Variants in MAGI3 observed in about 807,000 individuals in gnomAD.
MAGI3 encodes the protein membrane associated guanylate kinase, WW and PDZ domain containing 3.
A neutral mutation model predicts 121.8 loss-of-function variants in MAGI3; 43 were observed. The ratio of observed to expected loss-of-function variants is 0.35; its 90% confidence interval spans 0.28 to 0.46. The LOEUF is 0.46. MAGI3 is among the 20% of genes least tolerant of loss of function. The pLI, the probability that MAGI3 is intolerant of heterozygous loss-of-function variation, is 1.00. For missense variants in MAGI3, 1,547 were observed against 1,797.3 expected (o/e 0.86, Z 2.52); for synonymous variants, 553 against 639.3 (o/e 0.86, Z 2.04).
In MAGI3 at chr1:113,391,461, C is replaced by T. The variant is rs1291576675; in HGVS notation, c.316+112C>T. The T allele has an allele frequency of 1.6e-6, 2 of 1,213,906 alleles. No individual in the cohort carries two copies. The highest frequency in any genetic ancestry group is 2.3e-6 in the Non-Finnish European group (2 of 871,808). The allele number at this position is 1,213,906 out of a possible 1,614,324, so 75.2% of individuals were successfully genotyped here. A position where few individuals can be genotyped will look rare whatever the true frequency, so the allele number is the denominator to read the frequency against. ...GCGTATTGTCCCGGGTAATCTTAGACCTCTAGGGTGTGCCAGACTCCTTGA... is the reference window on the plus strand; with the variant it reads ...GCGTATTGTCCCGGGTAATCTTAGATCTCTAGGGTGTGCCAGACTCCTTGA... On this transcript the variant is annotated intron_variant, in intron 1 of 20. Transcript: ENST00000307546. This position sits in a 1 kb window ranked among gnomAD's most constrained non-coding sequence, Gnocchi z 4.4.
At chr1:113,680,002 G>T (rs1648119547) in intron 19 of MAGI3, among the ~76,000 whole-genome samples, 1 of 152,120 alleles carries the variant, frequency 6.6e-6, no homozygotes, top group Non-Finnish European at 1.5e-5. Context: ...ACCATCCCTG[G>T]CCCTGAGAAA....
At position 113,673,317 on chromosome 1, in the gene MAGI3, T is replaced by C; in HGVS notation, c.3046-5T>C. 6.2e-7 allele frequency: 1 copy of C among 1,609,042 alleles called. No individual in the cohort carries two copies. Among genetic ancestry groups the C allele is most frequent in the Non-Finnish European group, 8.5e-7 (1 of 1,179,020 alleles). On this transcript the variant is annotated splice_polypyrimidine_tract_variant and splice_region_variant and intron_variant, in intron 18 of 20. Coordinates refer to ENST00000307546, the MANE Select transcript of MAGI3 (RefSeq NM_001142782.2). The stretch of plus-strand genomic sequence containing the variant: ...CTTGCTTTTCTTATACTTCTTTCTC[T>C]CTAGAACCTTGGTTGTTATCCAGTA...
In MAGI3 at chr1:113,622,922, C is replaced by T. The variant is rs771516575; in HGVS notation, c.1288C>T (p.Pro430Ser). The T allele has an allele frequency of 1.3e-6, 2 of 1,594,430 alleles. No individual in the cohort carries two copies. Among genetic ancestry groups the T allele is most frequent in the South Asian group, 2.3e-5 (2 of 86,406 alleles). The change falls in exon 9 of 21, where the codon CCT becomes TCT. Residue 430 changes from proline to serine, a missense_variant. Pro to Ser is a moderately conservative substitution (Grantham distance 74). Coordinates refer to ENST00000307546, the MANE Select transcript of MAGI3 (RefSeq NM_001142782.2). The part of the protein sequence containing the change: ...FGFTIIGGDR[P>S]DEFLQVKNVL... ...TTTTACTATTATTGGTGGAGATAGA[C>T]CTGATGAGTTCCTACAAGTGAAAAA...
At position 113,461,870 on chromosome 1, in the gene MAGI3, T is replaced by A. The variant is rs187430713; in HGVS notation, c.316+70521T>A. ...AGCATCTATAAAGAACTTAAGTAAA[T>A]TTAGGGGAGAAAACCCCATTTAAAA... is the stretch of plus-strand genomic sequence containing the variant. On this transcript the variant is annotated intron_variant, in intron 1 of 20. Coordinates refer to ENST00000307546, the MANE Select transcript of MAGI3 (RefSeq NM_001142782.2). Among the ~76,000 whole-genome samples the A allele has an allele frequency of 3.2e-4, 48 of 151,502 alleles. 1 individual carries two copies. In the East Asian group the frequency reaches 7.6e-3, roughly 24 times the overall value.
chr1:113,449,203 G>A (rs1370005208), intron 1 of MAGI3, among the ~76,000 whole-genome samples: 1 of 152,064 alleles, frequency 6.6e-6, no homozygotes, highest in African/African-American at 2.4e-5. Flanking sequence ...GGACATAGAT[G>A]CCTAGTCTAA....
chr1:113,486,809 G>C (rs556678516), intron 1 of MAGI3, among the ~76,000 whole-genome samples: 2 of 152,050 alleles, frequency 1.3e-5, no homozygotes, highest in African/African-American at 4.8e-5. Flanking sequence ...GTGCCACCAC[G>C]TGGCTTTATT....
At chr1:113,675,326 A>G (rs1647806301) in intron 19 of MAGI3, among the ~76,000 whole-genome samples, 1 of 152,256 alleles carries the variant, frequency 6.6e-6, no homozygotes, top group African/African-American at 2.4e-5. Flanking sequence ...ACCAGACTAG[A>G]TGAACAACAA....
At chr1:113,408,402 C>T (rs1289905473) in intron 1 of MAGI3, among the ~76,000 whole-genome samples, 3 of 151,978 alleles carry the variant, frequency 2.0e-5, no homozygotes, top group Admixed American at 1.3e-4. Context: ...CTTTATTTTC[C>T]AAGGAGTGAA....
intron 1 of MAGI3, among the ~76,000 whole-genome samples, chr1:113,504,624 T>C (rs1001305540): frequency 6.6e-6 from 1 of 152,140 alleles, no homozygotes; most frequent in Non-Finnish European, 1.5e-5. Context: ...GTAAGAGTTA[T>C]TTTATCTCTT....
chr1:113,564,605 C>T (rs1377888279), intron 2 of MAGI3, among the ~76,000 whole-genome samples: 1 of 151,994 alleles, frequency 6.6e-6, no homozygotes, highest in East Asian at 1.9e-4. Flanking sequence ...CATGTTGGCT[C>T]ACACCTGTAG....
intron 13 of MAGI3, 112 bp from the exon 14 acceptor site, chr1:113,650,888 AATATAACTGTTTTC>A (rs1653122955): frequency 1.3e-6 from 1 of 796,272 alleles, no homozygotes; most frequent in African/African-American, 1.8e-5. Context: ...ACCTTTCTAA[AATATAACTGTTTTC>A]ATAGTTGAAC....
intron 2 of MAGI3, among the ~76,000 whole-genome samples, chr1:113,568,231 A>G (rs1570875906): frequency 1.3e-5 from 2 of 152,180 alleles, no homozygotes; most frequent in East Asian, 3.9e-4. Context: ...CAATATTTAG[A>G]AAATGAAAGT....
intron 9 of MAGI3, among the ~76,000 whole-genome samples, chr1:113,636,535 G>A (rs1023226943): frequency 1.6e-4 from 24 of 152,280 alleles, no homozygotes; most frequent in Admixed American, 1.2e-3. Context: ...TAGTTGAGCG[G>A]TTTTGAGTGA....
chr1:113,459,150 A>G (rs1183162814), intron 1 of MAGI3, among the ~76,000 whole-genome samples: 2 of 152,192 alleles, frequency 1.3e-5, no homozygotes, highest in East Asian at 3.8e-4. Flanking sequence ...TTATTGTCAA[A>G]AGGCAGTATT....
chr1:113,581,151 G>A (rs1217201), intron 3 of MAGI3: 109,121 of 151,984 alleles, frequency 0.72, 39,695 homozygotes, highest in Non-Finnish European at 0.77. Flanking sequence ...TTTGATATTT[G>A]AGATCAATTT....
chr1:113,484,892 T>C (rs984995133), intron 1 of MAGI3, among the ~76,000 whole-genome samples: 12 of 150,772 alleles, frequency 8.0e-5, no homozygotes, highest in East Asian at 2.0e-4. Context: ...GCCCAGCTAA[T>C]TTTTTTTGGT....
chr1:113,556,081 A>T (rs1233739335), intron 2 of MAGI3, among the ~76,000 whole-genome samples: 1 of 152,218 alleles, frequency 6.6e-6, no homozygotes, highest in African/African-American at 2.4e-5. Flanking sequence ...GTAGTATTTA[A>T]ATGGAAACTT....
chr1:113,628,241 T>C (rs907394749), intron 9 of MAGI3, among the ~76,000 whole-genome samples: 14 of 152,158 alleles, frequency 9.2e-5, no homozygotes, highest in Non-Finnish European at 1.9e-4. Context: ...TAACTCATAA[T>C]TATAAACTGA....
intron 2 of MAGI3, 60 bp from the exon 3 acceptor site, chr1:113,580,482 T>C (rs1408376837): frequency 6.8e-7 from 1 of 1,471,722 alleles, no homozygotes; most frequent in Non-Finnish European, 9.3e-7. Flanking sequence ...TCTTTTACTT[T>C]GAATATTTTG....
Sources: gnomAD v4.1 joint callset for allele counts (sites outside exome capture counted in the v4.1 genomes callset) on GRCh38, gnomAD v4.1.1 for gene constraint, Gnocchi (gnomAD v3.1) non-coding constraint, MANE v1.5 for transcripts, NCBI Gene and HGNC (gene_info 2026-07-23, HGNC 2026-07-21) for gene names.